Variants in NOTCH2 observed in about 807,000 individuals in gnomAD.
NOTCH2 encodes neurogenic locus notch homolog protein 2.
Under a neutral mutation model 235.8 loss-of-function variants are expected in NOTCH2, and 29 were observed. The ratio of observed to expected loss-of-function variants is 0.12; its 90% CI spans 0.09 to 0.17. NOTCH2 has a LOEUF of 0.17. NOTCH2 is among the 10% of genes least tolerant of loss of function. NOTCH2 has a pLI of 1.00. For synonymous variants in NOTCH2, 1,086 were observed against 1,141.5 expected (o/e 0.95, Z 0.98); for missense variants, 2,285 against 3,150.2 (o/e 0.73, Z 6.57).
At chr1:119,922,164 T>C in intron 28 of NOTCH2, 72 bp downstream of exon 28, 1 of 1,483,942 alleles carries the variant, frequency 6.7e-7, no homozygotes, top group Non-Finnish European at 9.4e-7. Flanking sequence ...AAAATCATGA[T>C]TCAACAAGAT....
chr1:119,944,135 T>C (rs1385667489), intron 17 of NOTCH2, among the ~76,000 whole-genome samples: 1 of 152,084 alleles, frequency 6.6e-6, no homozygotes, highest in South Asian at 2.1e-4. Flanking sequence ...GCAAAAACTT[T>C]TGAAAAAAAT....
At chr1:119,955,281 T>C in intron 12 of NOTCH2, 49 bp from the exon 13 acceptor site, 2 of 1,582,796 alleles carry the variant, frequency 1.3e-6, no homozygotes, top group East Asian at 2.2e-5. Context: ...GCTTAGGAAA[T>C]AGACCCAGAA....
Position 119,937,888 on chromosome 1 carries a change from A to G in NOTCH2, c.3306T>C (p.Asn1102=), listed in dbSNP as rs782761489. 6.2e-7 allele frequency: 1 copy of G among 1,614,118 alleles called. No homozygotes were observed. Among genetic ancestry groups the G allele is most frequent in the Non-Finnish European group, 8.5e-7 (1 of 1,180,052 alleles). ...GWAGAYCDVP[N]VSCDIAASRR... ...TGGAGGCTGCTATGTCACAAGAGAC[A>G]TTGGGCACGTCACAATAGGCACCAG... is the stretch of plus-strand genomic sequence containing the variant. The change falls in exon 20 of 34, where the codon AAT becomes AAC. Residue 1102 remains asparagine (N), a synonymous_variant. Transcript: ENST00000256646.
chr1:119,919,268 G>A, intron 31 of NOTCH2, 44 bp downstream of exon 31: 1 of 1,531,142 alleles, frequency 6.5e-7, no homozygotes, highest in Non-Finnish European at 9.0e-7. Flanking sequence ...ACATTATAGA[G>A]CCATAGGAAT....
At chr1:119,937,567 A>G (rs1437612764) in intron 20 of NOTCH2, 101 bp from the exon 21 acceptor site, 2 of 1,144,624 alleles carry the variant, frequency 1.7e-6, no homozygotes. Flanking sequence ...TGACACATCC[A>G]ATCTTATTCT....
At chr1:119,930,102 T>C (rs1649604371) in intron 22 of NOTCH2, among the ~76,000 whole-genome samples, 1 of 152,230 alleles carries the variant, frequency 6.6e-6, no homozygotes, top group African/African-American at 2.4e-5. Context: ...CACTCCATGA[T>C]GATTGTACAA....
At chr1:119,963,462 T>A in intron 11 of NOTCH2, 112 bp downstream of exon 11, 1 of 1,009,092 alleles carries the variant, frequency 9.9e-7, no homozygotes, top group Non-Finnish European at 1.6e-6. Context: ...CTTCTCAGAA[T>A]CAGGACTGTT....
intron 14 of NOTCH2, among the ~76,000 whole-genome samples, chr1:119,952,043 T>A (rs951658588): frequency 2.0e-5 from 3 of 152,216 alleles, no homozygotes; most frequent in African/African-American, 7.2e-5. Flanking sequence ...TGCTGATGTA[T>A]CACAATAGCA....
At chr1:119,917,514 C>G in intron 33 of NOTCH2, 151 bp downstream of exon 33, 1 of 690,660 alleles carries the variant, frequency 1.4e-6, no homozygotes, top group Non-Finnish European at 2.6e-6. Flanking sequence ...GCCCAATATC[C>G]TCATCAAGCT....
rs1649077150 is a variant in NOTCH2, at chr1:119,916,508, G to C, written c.6214C>G (p.Pro2072Ala). The part of the protein sequence containing the change: ...LDEYNVTPSP[P>A]GTVLTSALSP... ...AGAGCAGAAGTCAACACGGTGCCTG[G>C]AGGGCTTGGGGTCACATTGTATTCA... Residue 2072 changes from proline to alanine, a missense_variant, in exon 34 of 34, where the codon CCA becomes GCA. Coordinates refer to ENST00000256646, the MANE Select transcript of NOTCH2 (RefSeq NM_024408.4). 1 of 1,612,424 alleles carries C rather than the reference G, an allele frequency of 6.2e-7. No individual in the cohort carries two copies. Among genetic ancestry groups the C allele is most frequent in the African/African-American group, 1.3e-5 (1 of 74,866 alleles).
At position 119,920,285 on chromosome 1, in the gene NOTCH2, G is replaced by T. The variant is rs144085962; in HGVS notation, c.5423C>A (p.Thr1808Asn). 2 of 1,614,196 alleles carry T rather than the reference G, an allele frequency of 1.2e-6. No individual in the cohort carries two copies. Among genetic ancestry groups the T allele is most frequent in the African/African-American group, 2.7e-5 (2 of 75,050 alleles). The change falls in exon 30 of 34, where the codon ACC becomes AAC. Residue 1808 changes from threonine to asparagine, a missense_variant. Transcript: ENST00000256646. ...DIRRTPSLAL[T>N]PPQAEQEVDV... ...CACCTCCTGCTCTGCCTGAGGAGGGGTGAGAGCCAGCGATGGTGTCCTACG... is the reference window on the plus strand; with the variant it reads ...CACCTCCTGCTCTGCCTGAGGAGGGTTGAGAGCCAGCGATGGTGTCCTACG...
At chr1:120,011,177 C>T (rs201708207) in intron 2 of NOTCH2, among the ~76,000 whole-genome samples, 18 of 151,808 alleles carry the variant, frequency 1.2e-4, no homozygotes, top group Admixed American at 2.6e-4. Flanking sequence ...AAAAATGTTT[C>T]GAAATTAGAT....
intron 3 of NOTCH2, among the ~76,000 whole-genome samples, chr1:120,002,396 G>A (rs1553205526): frequency 6.6e-6 from 1 of 150,820 alleles, no homozygotes; most frequent in African/African-American, 2.4e-5. Flanking sequence ...TGGAATACAG[G>A]AGATCCATTA....
chr1:119,959,274 A>G (rs587632955), intron 12 of NOTCH2, 118 bp downstream of exon 12: 42 of 726,418 alleles, frequency 5.8e-5, no homozygotes, highest in Admixed American at 4.7e-4. Context: ...GAAACAGACT[A>G]CTAACCCTCC....
chr1:120,059,127 G>A (rs1173272606), intron 1 of NOTCH2, among the ~76,000 whole-genome samples: 1 of 128,762 alleles, frequency 7.8e-6, no homozygotes, highest in East Asian at 2.2e-4. Flanking sequence ...ACATAAATTT[G>A]AGTCTCGGTC....
chr1:120,048,905 A>C, intron 1 of NOTCH2, among the ~76,000 whole-genome samples: 1 of 124,886 alleles, frequency 8.0e-6, no homozygotes, highest in African/African-American at 3.3e-5. Context: ...GACATAAAAT[A>C]CACACTCAAT....
intron 29 of NOTCH2, among the ~76,000 whole-genome samples, chr1:119,921,072 T>C (rs1232554660): frequency 6.6e-6 from 1 of 152,248 alleles, no homozygotes; most frequent in Non-Finnish European, 1.5e-5. Context: ...GTTAAGTAAC[T>C]TGCCAGCTAC....
At chr1:119,957,073 G>A (rs1363975806) in intron 12 of NOTCH2, among the ~76,000 whole-genome samples, 3 of 152,182 alleles carry the variant, frequency 2.0e-5, no homozygotes, top group Admixed American at 6.6e-5. Flanking sequence ...TAGCAAAAGC[G>A]CTATATTTGA....
Position 119,939,027 on chromosome 1 carries a change from T to G in NOTCH2, c.3184-1017A>C, listed in dbSNP as rs1329361889. ...ACTTACTCCAGTTCAGGTTCATGAG[T>G]GGCCAGAGCCTATTCTGGCACAATG... is the stretch of plus-strand genomic sequence containing the variant. On this transcript the variant is annotated intron_variant, in intron 19 of 33. Coordinates refer to ENST00000256646, the MANE Select transcript of NOTCH2 (RefSeq NM_024408.4). Among the ~76,000 whole-genome samples, 3 of 152,128 alleles carry G rather than the reference T, an allele frequency of 2.0e-5. No individual in the cohort carries two copies. In the East Asian group the frequency reaches 5.8e-4, roughly 29 times the overall value.
Sources: gnomAD v4.1 joint callset for allele counts (sites outside exome capture counted in the v4.1 genomes callset) on GRCh38, gnomAD v4.1.1 for gene constraint, MANE v1.5 for transcripts, NCBI Gene and HGNC (gene_info 2026-07-23, HGNC 2026-07-21) for gene names.